The following VSX2 variants were observed in gnomAD, a reference collection of about 807,000 sequenced individuals.
VSX2 encodes visual system homeobox 2, also known as ceh-10 homeo domain containing homolog.
VSX2 carries 28 observed loss-of-function variants against 32.1 expected under a neutral mutation model. That is an observed-to-expected ratio of 0.87 (90% confidence interval 0.65 to 1.20). The LOEUF (loss-of-function observed/expected upper bound fraction) is 1.20. Ranked by LOEUF, VSX2 falls within the 50% of genes most tolerant of loss-of-function variation. The pLI, the probability that VSX2 is intolerant of heterozygous loss-of-function variation, is 0.00. For missense variants in VSX2, 506 were observed against 488.7 expected (o/e 1.04, Z -0.33); for synonymous variants, 243 against 214.1 (o/e 1.14, Z -1.18).
chr14:74,241,689 C>T (rs1340746310), intron 2 of VSX2, among the ~76,000 whole-genome samples: 1 of 152,236 alleles, frequency 6.6e-6, no homozygotes, highest in East Asian at 1.9e-4. Flanking sequence ...ATTTCTCTCC[C>T]GGGGTCCCTG....
chr14:74,244,917 T>TGAGAGAGAGAAAGAGAGAAA (rs1157174143), intron 2 of VSX2, among the ~76,000 whole-genome samples: 1 of 51,966 alleles, frequency 1.9e-5, no homozygotes, highest in African/African-American at 4.2e-5. Flanking sequence ...TGTGTGTGTG[T>TGAGAGAGAGAAAGAGAGAAA]GTGTGTGTGT....
chr14:74,257,550 C>A (rs1594758101), intron 3 of VSX2, among the ~76,000 whole-genome samples: 1 of 152,248 alleles, frequency 6.6e-6, no homozygotes, highest in Non-Finnish European at 1.5e-5. Flanking sequence ...CTTAAAGGTG[C>A]GCGTGCAGTG....
At chr14:74,248,592 G>A (rs2079209861) in intron 3 of VSX2, among the ~76,000 whole-genome samples, 1 of 151,998 alleles carries the variant, frequency 6.6e-6, no homozygotes, top group African/African-American at 2.4e-5. Flanking sequence ...TCAAGAAGCT[G>A]AGATGGGAGG....
At chr14:74,244,996 G>C (rs200527029) in intron 2 of VSX2, among the ~76,000 whole-genome samples, 169 bp from the exon 3 acceptor site, 1 of 134,008 alleles carries the variant, frequency 7.5e-6, no homozygotes, top group Non-Finnish European at 1.6e-5. Flanking sequence ...GAGAGAGAGA[G>C]AGAGAGAGAG....
chr14:74,260,130 G>A (rs1274357598), intron 4 of VSX2, among the ~76,000 whole-genome samples: 1 of 152,116 alleles, frequency 6.6e-6, no homozygotes, highest in Non-Finnish European at 1.5e-5. Context: ...GTCTTCCCTG[G>A]GGGTTGAGAG....
chr14:74,244,969 TGTGTGTGTGTGTGAGAGA>T (rs1221722352), intron 2 of VSX2, among the ~76,000 whole-genome samples, 178 bp from the exon 3 acceptor site: 9 of 81,824 alleles, frequency 1.1e-4, no homozygotes, highest in African/African-American at 3.5e-4. Context: ...TGTGTGTGTG[TGTGTGTGTGTGTGAGAGA>T]GAGAGAGAGA....
At position 74,239,626 on chromosome 14, in the gene VSX2, C is replaced by A. The variant is rs1566882598; in HGVS notation, c.65C>A (p.Ser22Ter). The A allele has an allele frequency of 1.9e-6, 3 of 1,551,108 alleles. No individual in the cohort carries two copies. The South Asian group carries it at 3.6e-5, about 18-fold the overall frequency. The change falls in exon 1 of 5, where the codon TCG (serine) becomes TAG (stop). Residue 22 changes from serine to a stop codon, truncating the protein, a stop_gained. Coordinates refer to ENST00000261980, the MANE Select transcript of VSX2 (RefSeq NM_182894.3). LOFTEE classifies it high-confidence loss of function. The stretch of plus-strand genomic sequence containing the variant: ...TCCGAGACAGTGGCCAAGAGTACCT[C>A]GGGGGGCGCCCCGGCCAGGTGCACT... ...PKSETVAKST[S>*]GGAPARCTGF...
At chr14:74,240,629 A>C (rs2139629414) in intron 1 of VSX2, among the ~76,000 whole-genome samples, 1 of 152,016 alleles carries the variant, frequency 6.6e-6, no homozygotes. Flanking sequence ...AATTCCCCCG[A>C]TTTTTCGTTG....
At chr14:74,254,869 T>A (rs2079253354) in intron 3 of VSX2, among the ~76,000 whole-genome samples, 1 of 147,716 alleles carries the variant, frequency 6.8e-6, no homozygotes, top group Non-Finnish European at 1.5e-5. Context: ...AAGCTCCACC[T>A]CCTGGGTTCA....
At chr14:74,258,565 G>A (rs2079282926) in intron 3 of VSX2, among the ~76,000 whole-genome samples, 1 of 151,496 alleles carries the variant, frequency 6.6e-6, no homozygotes, top group African/African-American at 2.4e-5. Context: ...TGTGAGGGGC[G>A]AGAAGGGAAC....
intron 3 of VSX2, among the ~76,000 whole-genome samples, chr14:74,248,891 C>A (rs964578363): frequency 6.6e-6 from 1 of 152,166 alleles, no homozygotes; most frequent in African/African-American, 2.4e-5. Flanking sequence ...GAGGTGCCTC[C>A]TGAGTATTCC....
intron 2 of VSX2, among the ~76,000 whole-genome samples, 178 bp from the exon 3 acceptor site, chr14:74,244,961 TGTGTGTGTGTGTGTGTGTGTGAGAGA>T (rs2079179816): frequency 1.1e-5 from 1 of 95,104 alleles, no homozygotes; most frequent in Non-Finnish European, 2.1e-5. Flanking sequence ...TGTGTGTGTG[TGTGTGTGTGTGTGTGTGTGTGAGAGA>T]GAGAGAGAGA....
chr14:74,243,704 C>T (rs913010160), intron 2 of VSX2, among the ~76,000 whole-genome samples: 1 of 151,524 alleles, frequency 6.6e-6, no homozygotes, highest in African/African-American at 2.4e-5. Context: ...CACATCATCA[C>T]CCCCCACCCC....
intron 2 of VSX2, among the ~76,000 whole-genome samples, chr14:74,243,292 T>C (rs1227956648): frequency 6.6e-6 from 1 of 152,080 alleles, no homozygotes; most frequent in Non-Finnish European, 1.5e-5. Flanking sequence ...TTCTCTCTAC[T>C]GGGAAAGCTC....
chr14:74,245,388 C>A, intron 3 of VSX2, 100 bp downstream of exon 3: 1 of 1,511,788 alleles, frequency 6.6e-7, no homozygotes, highest in Non-Finnish European at 9.1e-7. Context: ...CCCAGCCCCA[C>A]TGTGGGCATG....
At position 74,241,163 on chromosome 14, in the gene VSX2, C is replaced by T. The variant is rs750355273; in HGVS notation, c.371-19C>T. 13 of 1,612,070 alleles carry T rather than the reference C, an allele frequency of 8.1e-6. No homozygotes were observed. In the African/African-American group the frequency reaches 1.2e-4, roughly 15 times the overall value. On this transcript the variant is annotated intron_variant, in intron 1 of 4. Transcript: ENST00000261980. ...GCGCGTCCCCCACTCTGCCGCATGT[C>T]CCTACGCCCGCTTTTCAGATTCTGA...
Position 74,261,527 on chromosome 14 carries a change from T to A in VSX2, c.*608T>A, listed in dbSNP as rs899991726. On this transcript the variant is annotated 3_prime_UTR_variant, in exon 5 of 5. Transcript: ENST00000261980. ...GCCCCACCCATCAGTGGAGTCCAGA[T>A]GGCAGGCTACAGTTGGGAAGTCTCA... 1 of 152,932 alleles carries A rather than the reference T, an allele frequency of 6.5e-6. No individual in the cohort carries two copies. Among genetic ancestry groups the A allele is most frequent in the Admixed American group, 6.5e-5 (1 of 15,356 alleles). 9.5% of individuals were successfully genotyped at this position (152,932 alleles called of 1,614,324 possible).
At chr14:74,245,337 C>T in intron 3 of VSX2, 49 bp downstream of exon 3, 2 of 1,610,530 alleles carry the variant, frequency 1.2e-6, no homozygotes, top group African/African-American at 1.3e-5. Context: ...CTCTCGGTGA[C>T]ATCTACCACT....
Position 74,254,783 on chromosome 14 carries a change from G to GTTTTTTTTTTTTTTTTTTTTTTTT in VSX2, c.580-4819_580-4818insTTTTTTTTTTTTTTTTTTTTTTTT, listed in dbSNP as rs1566887118. Among the ~76,000 whole-genome samples, 25 of 72,352 alleles carry GTTTTTTTTTTTTTTTTTTTTTTTT rather than the reference G, an allele frequency of 3.5e-4. No homozygotes were observed. In the East Asian group the frequency reaches 5.7e-3, roughly 17 times the overall value. 47.5% of individuals were successfully genotyped at this position (72,352 alleles called of 152,430 possible). A position where few individuals can be genotyped will look rare whatever the true frequency, so the allele number is the denominator to read the frequency against. ...AATCCTCCAAAAACCCCGAAAAGTG[G>GTTTTTTTTTTTTTTTTTTTTTTTT]ATTTTTTTTTTTTTGAGACGCAGTC... On this transcript the variant is annotated intron_variant, in intron 3 of 4. Coordinates refer to ENST00000261980, the MANE Select transcript of VSX2 (RefSeq NM_182894.3).
Sources: gnomAD v4.1 joint callset for allele counts (sites outside exome capture counted in the v4.1 genomes callset) on GRCh38, gnomAD v4.1.1 for gene constraint, MANE v1.5 for transcripts, NCBI Gene and HGNC (gene_info 2026-07-23, HGNC 2026-07-21) for gene names.